The following PCIF1 variants were observed in gnomAD, a reference collection of about 807,000 sequenced individuals.
The protein encoded by PCIF1 is phosphorylated CTD interacting factor 1, also known as mRNA (2'-O-methyladenosine-N(6)-)-methyltransferase.
A neutral mutation model predicts 86.9 loss-of-function variants in PCIF1; 12 were observed. The ratio of observed to expected loss-of-function variants is 0.14; its 90% CI spans 0.09 to 0.22. The LOEUF (loss-of-function observed/expected upper bound fraction) is 0.22, where lower values mean the gene tolerates loss of function less well. Ranked by LOEUF, PCIF1 falls within the 10% of genes least tolerant of loss-of-function variation. The pLI is 1.00. For missense variants in PCIF1, 701 were observed against 951.1 expected (o/e 0.74, Z 3.46); for synonymous variants, 397 against 372.0 (o/e 1.07, Z -0.77).
intron 10 of PCIF1, among the ~76,000 whole-genome samples, chr20:45,944,047 T>G (rs1392905146): frequency 6.6e-6 from 1 of 152,134 alleles, no homozygotes; most frequent in Non-Finnish European, 1.5e-5. Flanking sequence ...TAATGAATGT[T>G]CAGCATCTCC....
chr20:45,942,532 C>G (rs980436927), intron 7 of PCIF1, among the ~76,000 whole-genome samples: 2 of 151,588 alleles, frequency 1.3e-5, no homozygotes, highest in African/African-American at 4.9e-5. Flanking sequence ...CAAGGCTGGT[C>G]TCTAACTCCT....
chr20:45,947,480 A>T lies in PCIF1; in HGVS notation c.1883+42A>T, dbSNP rs909761283. ...GCAGGGGAAGGAGGCTGGGCTGGCC[A>T]GGCCAGGCCCAGCCCCACCCTGAGC... is the stretch of plus-strand genomic sequence containing the variant. On this transcript the variant is annotated intron_variant, in intron 16 of 16. Transcript: ENST00000372409. The surrounding 1 kb of genome is among the most constrained non-coding windows in gnomAD (Gnocchi z 5.4). 2.5e-6 allele frequency: 4 copies of T among 1,612,976 alleles called. No homozygotes were observed. The highest frequency in any genetic ancestry group is 3.4e-6 in the Non-Finnish European group (4 of 1,179,772).
intron 2 of PCIF1, among the ~76,000 whole-genome samples, chr20:45,938,620 T>C (rs2083444945): frequency 6.6e-6 from 1 of 152,202 alleles, no homozygotes; most frequent in Non-Finnish European, 1.5e-5. Flanking sequence ...ACCCAGCTGA[T>C]AGATGAGACC....
At position 45,947,760 on chromosome 20, in the gene PCIF1, T is replaced by C. The variant is rs776136159; in HGVS notation, c.*5T>C. The C allele has an allele frequency of 3.7e-5, 59 of 1,594,160 alleles. No individual in the cohort carries two copies. The Middle Eastern group carries it at 6.7e-4, about 18-fold the overall frequency. ...CGCGAGCCTCACCCCACTTAACATA[T>C]CCTGCGGGGAGGAGGAGCCCCAGGG... On this transcript the variant is annotated 3_prime_UTR_variant, in exon 17 of 17. Transcript: ENST00000372409. This position sits in a 1 kb window ranked among gnomAD's most constrained non-coding sequence, Gnocchi z 5.4.
chr20:45,935,223 T>C (rs914937341), intron 1 of PCIF1, among the ~76,000 whole-genome samples: 1 of 150,786 alleles, frequency 6.6e-6, no homozygotes, highest in African/African-American at 2.4e-5. Flanking sequence ...GGAGCTCGCC[T>C]CTCGCCTTCG....
At chr20:45,941,016 G>A (rs2083465380) in intron 6 of PCIF1, 37 bp from the exon 7 acceptor site, 1 of 1,614,102 alleles carries the variant, frequency 6.2e-7, no homozygotes, top group African/African-American at 1.3e-5. Flanking sequence ...GGTGTGGGTG[G>A]GCAGGACATC....
Position 45,946,732 on chromosome 20 carries a change from G to A in PCIF1, c.1614-341G>A, listed in dbSNP as rs117985362. 4.6e-5 allele frequency among the ~76,000 whole-genome samples: 7 copies of A among 152,298 alleles called. No individual in the cohort carries two copies. In the East Asian group the frequency reaches 1.4e-3, roughly 29 times the overall value. The stretch of plus-strand genomic sequence containing the variant: ...GTTGAGGTGACCACAGATGAGAGAA[G>A]GTAATGCTGTCTCCAGAAGGAAGAA... On this transcript the variant is annotated intron_variant, in intron 14 of 16. Transcript: ENST00000372409.
At chr20:45,935,204 G>C (rs2083411200) in intron 1 of PCIF1, among the ~76,000 whole-genome samples, 1 of 149,374 alleles carries the variant, frequency 6.7e-6, no homozygotes, top group Non-Finnish European at 1.5e-5. Flanking sequence ...GCGCGCGCGC[G>C]CGCGCGCTGG....
chr20:45,935,344 C>G (rs1402458123), intron 1 of PCIF1, among the ~76,000 whole-genome samples: 1 of 152,226 alleles, frequency 6.6e-6, no homozygotes, highest in Non-Finnish European at 1.5e-5. Flanking sequence ...CCTCCAATCC[C>G]GGACTCGGAC....
intron 7 of PCIF1, among the ~76,000 whole-genome samples, chr20:45,941,919 TA>T (rs2083473433): frequency 6.6e-6 from 1 of 151,746 alleles, no homozygotes; most frequent in Non-Finnish European, 1.5e-5. Context: ...GTAATAAACC[TA>T]TTTAACCTTG....
Position 45,944,894 on chromosome 20 carries a change from G to T in PCIF1, c.1032G>T (p.Gln344His), listed in dbSNP as rs777163266. Residue 344 changes from glutamine (Q) to histidine (H), a missense_variant, in exon 11 of 17, where the codon CAG (glutamine) becomes CAT (histidine). Coordinates refer to ENST00000372409, the MANE Select transcript of PCIF1 (RefSeq NM_022104.4). Reference protein sequence around the residue: ...YMDRLEHLRRQCGPHVSAAAK... With the variant: ...YMDRLEHLRRHCGPHVSAAAK... ...ATCGCCTGGAGCATCTGCGGAGGCA[G>T]TGTGGCCCCCACGTCTCGGCCGCAG... 26 of 1,613,888 alleles carry T rather than the reference G, an allele frequency of 1.6e-5. No homozygotes were observed. The highest frequency in any genetic ancestry group is 8.0e-5 in the African/African-American group (6 of 74,948).
intron 2 of PCIF1, 40 bp from the exon 3 acceptor site, chr20:45,938,941 A>AG: frequency 6.2e-7 from 1 of 1,602,904 alleles, no homozygotes; most frequent in East Asian, 2.2e-5. Flanking sequence ...TTGGCGGGTG[A>AG]GGGGGTGGAG....
At position 45,943,747 on chromosome 20, in the gene PCIF1, C is replaced by T. The variant is rs747945831; in HGVS notation, c.987C>T (p.Ala329=). The T allele has an allele frequency of 6.4e-6, 10 of 1,556,956 alleles. No homozygotes were observed. The highest frequency in any genetic ancestry group is 8.7e-6 in the Non-Finnish European group (10 of 1,149,596). The change falls in exon 10 of 17, where the codon GCC becomes GCT. Residue 329 remains alanine, a synonymous_variant. Coordinates refer to ENST00000372409, the MANE Select transcript of PCIF1 (RefSeq NM_022104.4). This position sits in a 1 kb window ranked among gnomAD's most constrained non-coding sequence, Gnocchi z 5.5. ...GCTGGCTTCGGAAGGACCACTCAGC[C>T]TCCAAGGAGGACTACATGGTGAGTG... The part of the protein sequence containing the change: ...TFSWLRKDHS[A]SKEDYMDRLE...
rs2083497822 is a variant in PCIF1 at position 45,943,840 on chromosome 20, G to A, written c.1005+75G>A. The A allele has an allele frequency of 2.3e-6, 3 of 1,318,594 alleles. No individual in the cohort carries two copies. Among genetic ancestry groups the A allele is most frequent in the Non-Finnish European group, 3.2e-6 (3 of 944,848 alleles). The allele number at this position is 1,318,594 out of a possible 1,614,324, so 81.7% of individuals were successfully genotyped here. A position where few individuals can be genotyped will look rare whatever the true frequency, so the allele number is the denominator to read the frequency against. ...TTCCTCCAGGAAGCCTACTCTGCCT[G>A]TCCAGGCTGGGCAAGGCCTCCCCCA... On this transcript the variant is annotated intron_variant, in intron 10 of 16. Coordinates refer to ENST00000372409, the MANE Select transcript of PCIF1 (RefSeq NM_022104.4). The surrounding 1 kb of genome is among the most constrained non-coding windows in gnomAD (Gnocchi z 5.5).
intron 14 of PCIF1, 112 bp downstream of exon 14, chr20:45,946,496 C>T: frequency 8.2e-7 from 1 of 1,224,362 alleles, no homozygotes; most frequent in Non-Finnish European, 1.2e-6. Context: ...GTCCCTGCCT[C>T]CACCTCTTAC....
Position 45,940,506 on chromosome 20 carries a change from T to C in PCIF1, c.281T>C (p.Leu94Pro). The C allele has an allele frequency of 6.2e-7, 1 of 1,608,052 alleles. No homozygotes were observed. Among genetic ancestry groups the C allele is most frequent in the South Asian group, 1.1e-5 (1 of 90,058 alleles). Residue 94 changes from leucine (L) to proline (P), a missense_variant, in exon 5 of 17, where the codon CTG becomes CCG. By Grantham distance (98) the Leu-to-Pro change is moderately conservative. This residue lies in a region of PCIF1 where 125 missense variants were observed against 126.8 expected (regional missense o/e 0.99). Coordinates refer to ENST00000372409, the MANE Select transcript of PCIF1 (RefSeq NM_022104.4). ...CCTTTGGGGCTGAATGCGACCCCAC[T>C]GCCCCAAGACTCAAGCTTGGTGGAA... ...SDPLGLNATP[L>P]PQDSSLVETP...
chr20:45,947,551 C>T lies in PCIF1; in HGVS notation c.1911C>T (p.His637=). 6.2e-7 allele frequency: 1 copy of T among 1,613,824 alleles called. No individual in the cohort carries two copies. Among genetic ancestry groups the T allele is most frequent in the South Asian group, 1.1e-5 (1 of 91,088 alleles). The change falls in exon 17 of 17, where the codon CAC becomes CAT. Residue 637 remains histidine (H), a synonymous_variant. Coordinates refer to ENST00000372409, the MANE Select transcript of PCIF1 (RefSeq NM_022104.4). The surrounding 1 kb of genome is among the most constrained non-coding windows in gnomAD (Gnocchi z 5.4). The stretch of plus-strand genomic sequence containing the variant: ...AGGAAATGCACTACAAGGCCGTCCA[C>T]AACACGGCTGTGCTCTTCCTACAGA... ...KKEEMHYKAV[H]NTAVLFLQND... is the part of the protein sequence containing the mutation.
chr20:45,940,400 G>A, intron 4 of PCIF1, 75 bp from the exon 5 acceptor site: 1 of 1,474,734 alleles, frequency 6.8e-7, no homozygotes, highest in African/African-American at 1.4e-5. Flanking sequence ...GGGGTGGGAG[G>A]GCGTGAGGAT....
chr20:45,936,214 G>T (rs2083424192), intron 1 of PCIF1, among the ~76,000 whole-genome samples: 1 of 151,890 alleles, frequency 6.6e-6, no homozygotes, highest in African/African-American at 2.4e-5. Context: ...TTGCTCTGTC[G>T]CCTGGGCTGG....
Sources: gnomAD v4.1 joint callset for allele counts (sites outside exome capture counted in the v4.1 genomes callset) on GRCh38, gnomAD v4.1.1 for gene constraint, gnomAD v4.1.1 regional missense constraint, Gnocchi (gnomAD v3.1) non-coding constraint, MANE v1.5 for transcripts, NCBI Gene and HGNC (gene_info 2026-07-23, HGNC 2026-07-21) for gene names.